LRRC49: variants seen among roughly 807,000 people sequenced by gnomAD.
The protein encoded by LRRC49 is leucine-rich repeat-containing protein 49.
Under a neutral mutation model 83.3 loss-of-function variants are expected in LRRC49, and 50 were observed. The observed-to-expected ratio is 0.60, with a 90% CI of 0.48 to 0.76. The LOEUF (loss-of-function observed/expected upper bound fraction) is 0.76, where lower values mean the gene tolerates loss of function less well. Ranked by LOEUF, LRRC49 falls within the 30% of genes least tolerant of loss-of-function variation. LRRC49 has a pLI of 0.00. For missense variants in LRRC49, 704 were observed against 809.1 expected (o/e 0.87, Z 1.58); for synonymous variants, 286 against 283.3 (o/e 1.01, Z -0.10).
At position 71,011,156 on chromosome 15, in the gene LRRC49, T is replaced by G. The variant is rs540888729; in HGVS notation, c.1593+1164T>G. Reference sequence around the variant, plus strand: ...TCTCAAGAGGGTTGGCTCAGTCTTGTGTACTCATGTATACTATTTGGTACT... The same window carrying G: ...TCTCAAGAGGGTTGGCTCAGTCTTGGGTACTCATGTATACTATTTGGTACT... On this transcript the variant is annotated intron_variant, in intron 13 of 15. Transcript: ENST00000260382. 2.6e-5 allele frequency among the ~76,000 whole-genome samples: 4 copies of G among 152,238 alleles called. No individual in the cohort carries two copies. In the East Asian group the frequency reaches 7.7e-4, roughly 29 times the overall value.
At chr15:70,918,951 A>T in intron 6 of LRRC49, 99 bp from the exon 7 acceptor site, 1 of 944,782 alleles carries the variant, frequency 1.1e-6, no homozygotes, top group Non-Finnish European at 1.6e-6. Flanking sequence ...ACTTGCCACT[A>T]AATCTAGTGA....
intron 1 of LRRC49, among the ~76,000 whole-genome samples, chr15:70,872,180 G>C (rs1403413337): frequency 6.6e-6 from 1 of 152,216 alleles, no homozygotes; most frequent in Non-Finnish European, 1.5e-5. Flanking sequence ...GATCACTCAC[G>C]GTCAGGAGCT....
rs141125921 is a variant in LRRC49 at position 71,000,356 on chromosome 15, A to G, written c.1170-8023A>G. Among the ~76,000 whole-genome samples, 213 of 152,314 alleles carry G rather than the reference A, an allele frequency of 1.4e-3. 1 individual carries two copies. The highest frequency in any genetic ancestry group is 5.0e-3 in the African/African-American group (209 of 41,568). On this transcript the variant is annotated intron_variant, in intron 11 of 15. Transcript: ENST00000260382. ...TCTATGAGTTATACTTTTAAATTTC[A>G]AGATTAATGTCATTTATATCTGTTC...
At chr15:70,989,454 T>C (rs2037773265) in intron 11 of LRRC49, among the ~76,000 whole-genome samples, 1 of 152,216 alleles carries the variant, frequency 6.6e-6, no homozygotes, top group Admixed American at 6.5e-5. Context: ...ATTCTTCACG[T>C]AGTTCTCGAG....
At chr15:70,933,239 T>A (rs548143648) in intron 7 of LRRC49, among the ~76,000 whole-genome samples, 282 of 152,304 alleles carry the variant, frequency 1.9e-3, no homozygotes, top group Admixed American at 3.5e-3. Flanking sequence ...CTTCAAAAAA[T>A]GTTTTGAATA....
chr15:70,970,639 T>C (rs934937445), intron 9 of LRRC49, among the ~76,000 whole-genome samples: 2 of 152,202 alleles, frequency 1.3e-5, no homozygotes, highest in East Asian at 3.9e-4. Context: ...TGGTAGGCTA[T>C]TAATTACTGC....
At chr15:71,033,898 A>G (rs2039436718) in intron 14 of LRRC49, among the ~76,000 whole-genome samples, 1 of 152,222 alleles carries the variant, frequency 6.6e-6, no homozygotes, top group African/African-American at 2.4e-5. Flanking sequence ...AGATAGATTA[A>G]AGACTTAAAT....
intron 8 of LRRC49, among the ~76,000 whole-genome samples, chr15:70,947,880 T>C (rs2036066656): frequency 6.6e-6 from 1 of 152,138 alleles, no homozygotes; most frequent in Admixed American, 6.5e-5. Context: ...TCCTGGGACA[T>C]ATGGTCCTTA....
intron 8 of LRRC49, among the ~76,000 whole-genome samples, chr15:70,945,719 T>C (rs2035984452): frequency 6.6e-6 from 1 of 151,738 alleles, no homozygotes; most frequent in Non-Finnish European, 1.5e-5. Context: ...TTGGGCTTGG[T>C]TAAAAGAGGA....
At chr15:70,880,188 C>G (rs999142443) in intron 2 of LRRC49, among the ~76,000 whole-genome samples, 1 of 152,188 alleles carries the variant, frequency 6.6e-6, no homozygotes, top group Non-Finnish European at 1.5e-5. Context: ...CATATATGCT[C>G]TCCTCAGAGA....
At chr15:70,964,687 C>T (rs935282281) in intron 9 of LRRC49, among the ~76,000 whole-genome samples, 7 of 152,172 alleles carry the variant, frequency 4.6e-5, no homozygotes, top group African/African-American at 1.7e-4. Flanking sequence ...ATTAAATAAA[C>T]TTGTTTAACT....
chr15:71,035,344 T>A (rs543796414), intron 14 of LRRC49, among the ~76,000 whole-genome samples: 2 of 152,276 alleles, frequency 1.3e-5, no homozygotes, highest in African/African-American at 4.8e-5. Flanking sequence ...TTGTTTTTTT[T>A]AAAGATTTAT....
At position 71,012,826 on chromosome 15, in the gene LRRC49, T is replaced by C; in HGVS notation, c.1616T>C (p.Met539Thr). The C allele has an allele frequency of 1.2e-6, 2 of 1,612,144 alleles. No homozygotes were observed. The highest frequency in any genetic ancestry group is 1.7e-6 in the Non-Finnish European group (2 of 1,178,688). ...GTEVTQNDMI[M>T]AERLFGILAH... is the part of the protein sequence containing the mutation. ...CAGGTGACACAGAATGATATGATAA[T>C]GGCTGAAAGGCTCTTTGGAATCCTA... Residue 539 changes from methionine to threonine, a missense_variant, in exon 14 of 16, where the codon ATG becomes ACG. Coordinates refer to ENST00000260382, the MANE Select transcript of LRRC49 (RefSeq NM_017691.5).
intron 2 of LRRC49, among the ~76,000 whole-genome samples, chr15:70,894,037 G>A (rs994009358): frequency 2.0e-5 from 3 of 152,074 alleles, no homozygotes; most frequent in African/African-American, 7.2e-5. Flanking sequence ...TGGGACCACA[G>A]GTGCATGCCA....
At chr15:70,945,182 G>A (rs905765739) in intron 8 of LRRC49, among the ~76,000 whole-genome samples, 1 of 152,114 alleles carries the variant, frequency 6.6e-6, no homozygotes, top group Non-Finnish European at 1.5e-5. Context: ...TACCCAGTGA[G>A]ACCTCTGTTC....
At chr15:70,979,221 A>G (rs1455011534) in intron 9 of LRRC49, among the ~76,000 whole-genome samples, 1 of 152,108 alleles carries the variant, frequency 6.6e-6, no homozygotes, top group Non-Finnish European at 1.5e-5. Flanking sequence ...TTATAAACTG[A>G]TACACAGAAA....
rs757521637 is a variant in LRRC49 at position 71,049,628 on chromosome 15, A to C, written c.*16A>C. ...CCAAAAATAAAAATGGCCTTTAGTT[A>C]CAGTTGATTTTGGCAGTTTTATTTT... On this transcript the variant is annotated 3_prime_UTR_variant, in exon 16 of 16. Transcript: ENST00000260382. 11 of 1,576,284 alleles carry C rather than the reference A, an allele frequency of 7.0e-6. No individual in the cohort carries two copies. The highest frequency in any genetic ancestry group is 1.8e-5 in the Admixed American group (1 of 55,062).
intron 9 of LRRC49, among the ~76,000 whole-genome samples, 164 bp downstream of exon 9, chr15:70,964,096 C>G (rs2036708088): frequency 6.6e-6 from 1 of 152,168 alleles, no homozygotes; most frequent in Admixed American, 6.6e-5. Context: ...CTGCCTGATC[C>G]CATCCCAAGT....
chr15:70,975,957 C>A (rs2037191244), intron 9 of LRRC49, among the ~76,000 whole-genome samples: 1 of 152,110 alleles, frequency 6.6e-6, no homozygotes, highest in African/African-American at 2.4e-5. Context: ...CAGGCAGAAG[C>A]ATTTAAAAGC....
Sources: gnomAD v4.1 joint callset for allele counts (sites outside exome capture counted in the v4.1 genomes callset) on GRCh38, gnomAD v4.1.1 for gene constraint, MANE v1.5 for transcripts, NCBI Gene and HGNC (gene_info 2026-07-23, HGNC 2026-07-21) for gene names.